The following SCFD2 variants were observed in gnomAD, a reference collection of about 807,000 sequenced individuals.
SCFD2 encodes the protein sec1 family domain containing 2, also known as sec1 family domain-containing protein 2.
A neutral mutation model predicts 58.9 loss-of-function variants in SCFD2; 54 were observed. That is an observed-to-expected ratio of 0.92 (90% CI 0.74 to 1.15). The LOEUF (loss-of-function observed/expected upper bound fraction) is 1.15, where lower values mean the gene tolerates loss of function less well. SCFD2 is among the 50% of genes most tolerant of loss of function. The pLI, the probability that SCFD2 is intolerant of heterozygous loss-of-function variation, is 0.00. For missense variants in SCFD2, 805 were observed against 836.6 expected, an observed-to-expected ratio of 0.96 and a Z score of 0.47; for synonymous variants, 321 against 335.9, an observed-to-expected ratio of 0.96 and a Z score of 0.49.
chr4:52,999,609 G>A (rs1391214810), intron 5 of SCFD2, among the ~76,000 whole-genome samples: 4 of 152,166 alleles, frequency 2.6e-5, no homozygotes, highest in Non-Finnish European at 5.9e-5. Flanking sequence ...GGAGGGCAGG[G>A]ACATCAAGGT....
chr4:53,351,812 A>G (rs1734228731), intron 2 of SCFD2, among the ~76,000 whole-genome samples: 1 of 152,242 alleles, frequency 6.6e-6, no homozygotes, highest in African/African-American at 2.4e-5. Context: ...CAGGAGCTAC[A>G]TATACTAATT....
At chr4:52,887,660 G>A (rs928576923) in intron 7 of SCFD2, among the ~76,000 whole-genome samples, 1 of 152,184 alleles carries the variant, frequency 6.6e-6, no homozygotes, top group South Asian at 2.1e-4. Flanking sequence ...TGCCTGCGTG[G>A]CCACCAAAGC....
At chr4:53,249,875 G>C (rs1426660073) in intron 4 of SCFD2, among the ~76,000 whole-genome samples, 2 of 152,166 alleles carry the variant, frequency 1.3e-5, no homozygotes, top group East Asian at 3.8e-4. Flanking sequence ...ATCAAGGCTA[G>C]GAAGAAACTG....
chr4:53,162,678 G>T (rs1050394334), intron 4 of SCFD2, among the ~76,000 whole-genome samples: 2 of 150,920 alleles, frequency 1.3e-5, no homozygotes, highest in African/African-American at 2.4e-5. Context: ...GAAGGGGAAC[G>T]TCACACTCTG....
At chr4:53,314,398 G>T (rs1162292519) in intron 2 of SCFD2, among the ~76,000 whole-genome samples, 1 of 152,168 alleles carries the variant, frequency 6.6e-6, no homozygotes, top group Non-Finnish European at 1.5e-5. Flanking sequence ...TGCATTATAT[G>T]CAAGGTCTCA....
intron 5 of SCFD2, among the ~76,000 whole-genome samples, chr4:52,988,295 C>A (rs935344007): frequency 6.6e-6 from 1 of 152,182 alleles, no homozygotes. Context: ...TAAGGATGAA[C>A]AGAAAAGTTA....
intron 4 of SCFD2, among the ~76,000 whole-genome samples, chr4:53,180,964 A>T (rs1268071551): frequency 6.6e-6 from 1 of 152,204 alleles, no homozygotes; most frequent in African/African-American, 2.4e-5. Flanking sequence ...GAAGAAGTTG[A>T]ATCTCTGAAT....
At chr4:52,959,607 T>C (rs912251426) in intron 5 of SCFD2, among the ~76,000 whole-genome samples, 5 of 152,032 alleles carry the variant, frequency 3.3e-5, no homozygotes, top group Admixed American at 1.3e-4. Context: ...ATCCAGAACA[T>C]CTTCTTTAGA....
At chr4:53,064,817 G>GA (rs1387751063) in intron 5 of SCFD2, among the ~76,000 whole-genome samples, 1 of 152,158 alleles carries the variant, frequency 6.6e-6, no homozygotes, top group Non-Finnish European at 1.5e-5. Context: ...TTCCTCATCT[G>GA]AAAAAACAGG....
At chr4:52,975,524 G>C in intron 5 of SCFD2, among the ~76,000 whole-genome samples, 1 of 152,156 alleles carries the variant, frequency 6.6e-6, no homozygotes, top group East Asian at 1.9e-4. Context: ...GGAAACAACA[G>C]GTGCTGGAGA....
At chr4:52,968,427 G>C (rs1721010701) in intron 5 of SCFD2, among the ~76,000 whole-genome samples, 1 of 152,210 alleles carries the variant, frequency 6.6e-6, no homozygotes, top group South Asian at 2.1e-4. Flanking sequence ...TTTCATGGCT[G>C]GGCTTTGTTT....
intron 5 of SCFD2, chr4:52,950,387 T>C (rs1720556603): frequency 6.6e-6 from 1 of 152,134 alleles, no homozygotes; most frequent in Non-Finnish European, 1.5e-5. Context: ...AATAAGTAAA[T>C]GTTCTACATT....
intron 7 of SCFD2, among the ~76,000 whole-genome samples, chr4:52,894,608 G>T (rs1718956694): frequency 6.6e-6 from 1 of 152,212 alleles, no homozygotes; most frequent in Non-Finnish European, 1.5e-5. Context: ...TTAGAGAAAA[G>T]GCTGTTTGAA....
At chr4:53,200,949 T>C (rs1313544969) in intron 4 of SCFD2, among the ~76,000 whole-genome samples, 1 of 152,068 alleles carries the variant, frequency 6.6e-6, no homozygotes, top group Non-Finnish European at 1.5e-5. Flanking sequence ...AGTTCAAGTA[T>C]TTCATGGAGA....
chr4:52,924,408 C>T (rs1719814859), intron 5 of SCFD2, among the ~76,000 whole-genome samples: 1 of 152,116 alleles, frequency 6.6e-6, no homozygotes, highest in Admixed American at 6.5e-5. Flanking sequence ...ATGAACCCAA[C>T]AGAAAAATAA....
At chr4:52,899,421 C>G (rs2109462230) in intron 7 of SCFD2, among the ~76,000 whole-genome samples, 1 of 152,252 alleles carries the variant, frequency 6.6e-6, no homozygotes, top group East Asian at 1.9e-4. Flanking sequence ...CTTAGTTTGG[C>G]TGGATATGAA....
At chr4:52,998,415 G>A (rs1721791544) in intron 5 of SCFD2, among the ~76,000 whole-genome samples, 1 of 152,166 alleles carries the variant, frequency 6.6e-6, no homozygotes, top group African/African-American at 2.4e-5. Flanking sequence ...GAAACTTTTA[G>A]GTACCATGGC....
At chr4:52,916,038 G>A (rs1046717808) in intron 6 of SCFD2, among the ~76,000 whole-genome samples, 3 of 152,218 alleles carry the variant, frequency 2.0e-5, no homozygotes, top group Non-Finnish European at 4.4e-5. Context: ...ATGTGTCTGT[G>A]GAAGGTTTTT....
intron 6 of SCFD2, among the ~76,000 whole-genome samples, chr4:52,915,410 T>C (rs1478440093): frequency 6.6e-6 from 1 of 152,202 alleles, no homozygotes; most frequent in African/African-American, 2.4e-5. Context: ...TTCATTTTGT[T>C]TCAACCCAAG....
Sources: gnomAD v4.1 joint callset for allele counts (sites outside exome capture counted in the v4.1 genomes callset) on GRCh38, gnomAD v4.1.1 for gene constraint, MANE v1.5 for transcripts, NCBI Gene and HGNC (gene_info 2026-07-23, HGNC 2026-07-21) for gene names.